SLF1: variants seen among roughly 807,000 people sequenced by gnomAD.
The protein encoded by SLF1 is SMC5-SMC6 complex localization factor protein 1.
SLF1 carries 105 observed loss-of-function variants against 123.0 expected under a neutral mutation model. The ratio of observed to expected loss-of-function variants is 0.85; its 90% confidence interval spans 0.73 to 1.00. The LOEUF is 1.00. SLF1 is among the 50% of genes least tolerant of loss of function. SLF1 has a pLI of 0.00. For synonymous variants in SLF1, 434 were observed against 406.6 expected (o/e 1.07, Z -0.81); for missense variants, 1,239 against 1,223.0 (o/e 1.01, Z -0.20).
rs1441672714 is a variant in SLF1, at chr5:94,651,795, A to G, written c.832A>G (p.Lys278Glu). 1 of 1,509,650 alleles carries G rather than the reference A, an allele frequency of 6.6e-7. No homozygotes were observed. The highest frequency in any genetic ancestry group is 2.5e-5 in the East Asian group (1 of 39,718). 93.5% of individuals were successfully genotyped at this position (1,509,650 alleles called of 1,614,324 possible). A position where few individuals can be genotyped will look rare whatever the true frequency, so the allele number is the denominator to read the frequency against. The change falls in exon 7 of 21, where the codon AAA becomes GAA. Residue 278 changes from lysine to glutamate, a missense_variant. Physicochemically the swap from Lys to Glu is moderately conservative, Grantham distance 56. Transcript: ENST00000265140. ...EKFSGSSKDL[K>E]FVKMRNTFGS... ...ATTCAGTGGTTCCAGTAAAGATTTGAAATTTGTTAAAATGAGAAATACCTT... is the reference window on the plus strand; with the variant it reads ...ATTCAGTGGTTCCAGTAAAGATTTGGAATTTGTTAAAATGAGAAATACCTT...
rs1750929211 is a variant in SLF1, at chr5:94,675,373, C to T, written c.1828-3435C>T. Among the ~76,000 whole-genome samples the T allele has an allele frequency of 3.3e-5, 5 of 152,118 alleles. No homozygotes were observed. The South Asian group carries it at 8.3e-4, about 25-fold the overall frequency. On this transcript the variant is annotated intron_variant, in intron 14 of 20. Transcript: ENST00000265140. ...TTTCTTTGTTAATTCTTAGGGTATT[C>T]GTGTTCTCTTCTGTCAGCTTTAACA... is the stretch of plus-strand genomic sequence containing the variant.
intron 1 of SLF1, among the ~76,000 whole-genome samples, chr5:94,621,119 C>T (rs1791747872): frequency 6.6e-6 from 1 of 152,022 alleles, no homozygotes; most frequent in Non-Finnish European, 1.5e-5. Context: ...AATGTCTTCC[C>T]ACCCTTGTAC....
chr5:94,688,418 C>A, intron 16 of SLF1, 88 bp from the exon 17 acceptor site: 2 of 1,354,830 alleles, frequency 1.5e-6, no homozygotes, highest in Non-Finnish European at 2.0e-6. Context: ...GAAAATATAA[C>A]CAAATGTAAT....
chr5:94,627,321 C>G (rs886984229), intron 1 of SLF1, among the ~76,000 whole-genome samples: 1 of 151,778 alleles, frequency 6.6e-6, no homozygotes, highest in African/African-American at 2.4e-5. Flanking sequence ...TTTCTCTAGT[C>G]CCTGCTTTGC....
At chr5:94,643,569 T>C (rs1746679167) in intron 5 of SLF1, 134 bp downstream of exon 5, 1 of 630,272 alleles carries the variant, frequency 1.6e-6, no homozygotes, top group Non-Finnish European at 2.4e-6. Flanking sequence ...AATGACACTT[T>C]TTAAAGGCAG....
intron 6 of SLF1, 123 bp downstream of exon 6, chr5:94,649,720 A>G: frequency 1.1e-6 from 1 of 919,180 alleles, no homozygotes; most frequent in Non-Finnish European, 1.5e-6. Flanking sequence ...CCATGTGTTT[A>G]TAGTCTGTGA....
intron 19 of SLF1, 125 bp from the exon 20 acceptor site, chr5:94,691,949 A>C (rs1296044063): frequency 1.4e-4 from 119 of 843,666 alleles, no homozygotes; most frequent in Non-Finnish European, 1.6e-5. Flanking sequence ...CATTTTTATC[A>C]CAGCATTCTT....
intron 3 of SLF1, chr5:94,629,705 G>C (rs1404212676): frequency 6.6e-6 from 1 of 152,152 alleles, no homozygotes; most frequent in African/African-American, 2.4e-5. Flanking sequence ...TTAGTCTACT[G>C]ATTGCAAAAA....
chr5:94,636,780 C>G (rs2152470237), intron 4 of SLF1, among the ~76,000 whole-genome samples: 1 of 133,816 alleles, frequency 7.5e-6, no homozygotes, highest in Admixed American at 8.2e-5. Context: ...TGCAGTGGCA[C>G]AATCTTGGCT....
Position 94,670,956 on chromosome 5 carries a change from T to G in SLF1, c.1775T>G (p.Met592Arg), listed in dbSNP as rs960308297. Residue 592 changes from methionine to arginine, a missense_variant, in exon 14 of 21, where the codon ATG becomes AGG. Coordinates refer to ENST00000265140, the MANE Select transcript of SLF1 (RefSeq NM_032290.4). ...TSGLLTKPVNMLLEWTIYSHK... is the reference protein window; with the variant it reads ...TSGLLTKPVNRLLEWTIYSHK... Reference sequence around the variant, plus strand: ...GGGCTTTTGACCAAACCAGTAAATATGCTTTTGGAATGGACTATATATTCT... The same window carrying G: ...GGGCTTTTGACCAAACCAGTAAATAGGCTTTTGGAATGGACTATATATTCT... The G allele has an allele frequency of 8.5e-5, 132 of 1,549,640 alleles. No homozygotes were observed. The highest frequency in any genetic ancestry group is 1.1e-4 in the Non-Finnish European group (128 of 1,145,570).
chr5:94,618,590 C>T (rs1483683786), upstream of SLF1: 3 of 154,490 alleles, frequency 1.9e-5, no homozygotes, highest in Non-Finnish European at 4.4e-5. Context: ...CTGGCGACGG[C>T]TCCGGAGCGT....
In SLF1 at chr5:94,678,880, G is replaced by C; in HGVS notation, c.1900G>C (p.Gly634Arg). Residue 634 changes from glycine (G) to arginine (R), a missense_variant, in exon 15 of 21, where the codon GGT becomes CGT. Coordinates refer to ENST00000265140, the MANE Select transcript of SLF1 (RefSeq NM_032290.4). ...AGCAATAGATTATTGGATTTTCCTT[G>C]GTCTTAAGATGGGTAGAAATGTGAT... The part of the protein sequence containing the change: ...GAAIDYWIFL[G>R]LKMGRNVMRH... 2 of 1,613,602 alleles carry C rather than the reference G, an allele frequency of 1.2e-6. No homozygotes were observed. The highest frequency in any genetic ancestry group is 1.7e-6 in the Non-Finnish European group (2 of 1,179,754).
chr5:94,654,744 AG>A lies in SLF1; in HGVS notation c.1148del (p.Arg383LysfsTer12). On this transcript the variant is annotated frameshift_variant, in exon 9 of 21. Coordinates refer to ENST00000265140, the MANE Select transcript of SLF1 (RefSeq NM_032290.4). LOFTEE classifies it high-confidence loss of function. Reference sequence around the variant, plus strand: ...AAATACCTTAAGGAAGCACATATATAGAGCTCAGGTAAAACTTGGCACATGA... The same window carrying A: ...AAATACCTTAAGGAAGCACATATATAAGCTCAGGTAAAACTTGGCACATGA... ...IKNTLRKHIY[R>X]AQAVRYNCIR... is the part of the protein sequence containing the mutation. The A allele has an allele frequency of 6.6e-7, 1 of 1,513,138 alleles. No individual in the cohort carries two copies. The highest frequency in any genetic ancestry group is 1.3e-5 in the South Asian group (1 of 75,830). The allele number at this position is 1,513,138 out of a possible 1,614,324, so 93.7% of individuals were successfully genotyped here.
chr5:94,687,944 T>G (rs1033755025), intron 16 of SLF1, among the ~76,000 whole-genome samples: 5 of 151,016 alleles, frequency 3.3e-5, no homozygotes, highest in African/African-American at 1.2e-4. Context: ...TTGGCTATCT[T>G]TAGATATTAA....
In SLF1 at chr5:94,678,710, T is replaced by C. The variant is rs532907025; in HGVS notation, c.1828-98T>C. 5.7e-6 allele frequency: 6 copies of C among 1,058,594 alleles called. No homozygotes were observed. In the East Asian group the frequency reaches 7.8e-5, roughly 14 times the overall value. The allele number at this position is 1,058,594 out of a possible 1,614,324, so 65.6% of individuals were successfully genotyped here. On this transcript the variant is annotated intron_variant, in intron 14 of 20. Transcript: ENST00000265140. ...TCATTACATACCCTGTATTTTTAAA[T>C]AGCTATGTTTTGCCCCTCAAAAAGT...
At chr5:94,649,737 C>A in intron 6 of SLF1, 140 bp downstream of exon 6, 1 of 771,808 alleles carries the variant, frequency 1.3e-6, no homozygotes, top group Non-Finnish European at 1.9e-6. Flanking sequence ...GTGACTTGAA[C>A]ATGTTAGGAA....
chr5:94,647,333 TC>T (rs1747179388), intron 5 of SLF1, among the ~76,000 whole-genome samples: 1 of 152,228 alleles, frequency 6.6e-6, no homozygotes, highest in Admixed American at 6.5e-5. Context: ...CTCTTCTTCT[TC>T]TTATGCATCT....
chr5:94,637,506 T>C (rs542079185), intron 4 of SLF1, among the ~76,000 whole-genome samples: 11 of 152,234 alleles, frequency 7.2e-5, no homozygotes, highest in Non-Finnish European at 1.6e-4. Flanking sequence ...AGATCTGCAG[T>C]TGGACAAAGT....
Position 94,640,271 on chromosome 5 carries a change from G to A in SLF1, c.432-3002G>A, listed in dbSNP as rs1221819235. ...TTTACTGCATATAGAATTATGGGTC[G>A]ACAGTTTTTTTCACTTTAATTCGTA... On this transcript the variant is annotated intron_variant, in intron 4 of 20. Transcript: ENST00000265140. Among the ~76,000 whole-genome samples, 3 of 152,010 alleles carry A rather than the reference G, an allele frequency of 2.0e-5. No individual in the cohort carries two copies. The East Asian group carries it at 5.8e-4, about 29-fold the overall frequency.
Sources: allele counts gnomAD v4.1 joint callset (sites outside exome capture counted in the v4.1 genomes callset), GRCh38; gene constraint gnomAD v4.1.1; transcripts MANE v1.5; gene names NCBI Gene and HGNC (gene_info 2026-07-23, HGNC 2026-07-21).